The following PDLIM5 variants were observed in gnomAD, a reference collection of about 807,000 sequenced individuals.
The protein encoded by PDLIM5 is PDZ and LIM domain 5, also known as PDZ and LIM domain protein 5.
Under a neutral mutation model 64.2 loss-of-function variants are expected in PDLIM5, and 34 were observed. That is an observed-to-expected ratio of 0.53 (90% CI 0.40 to 0.71). The LOEUF (loss-of-function observed/expected upper bound fraction) is 0.71, where lower values mean the gene tolerates loss of function less well. Ranked by LOEUF, PDLIM5 falls within the 30% of genes least tolerant of loss-of-function variation. The probability of loss-of-function intolerance (pLI) is 0.00; values close to 1 mark genes in which losing one functional copy is unlikely to be tolerated. For missense variants in PDLIM5, 683 were observed against 733.6 expected, an observed-to-expected ratio of 0.93 and a Z score of 0.80; for synonymous variants, 253 against 269.1, an observed-to-expected ratio of 0.94 and a Z score of 0.59.
chr4:94,623,886 G>T (rs1739448992), intron 8 of PDLIM5, among the ~76,000 whole-genome samples: 1 of 152,188 alleles, frequency 6.6e-6, no homozygotes, highest in Non-Finnish European at 1.5e-5. Flanking sequence ...CACTCTTCTT[G>T]AAGCATTTAA....
intron 9 of PDLIM5, among the ~76,000 whole-genome samples, chr4:94,646,089 G>A (rs954772923): frequency 6.6e-6 from 1 of 152,120 alleles, no homozygotes; most frequent in African/African-American, 2.4e-5. Flanking sequence ...AGTATTTTGT[G>A]TGCCGCTGTC....
chr4:94,655,112 A>C (rs1742110820), intron 10 of PDLIM5, among the ~76,000 whole-genome samples: 1 of 152,212 alleles, frequency 6.6e-6, no homozygotes, highest in South Asian at 2.1e-4. Flanking sequence ...GAGGTTTATA[A>C]ATGATATATT....
At chr4:94,555,139 C>T (rs527281553) in intron 3 of PDLIM5, among the ~76,000 whole-genome samples, 8 of 152,168 alleles carry the variant, frequency 5.3e-5, no homozygotes, top group Non-Finnish European at 1.2e-4. Flanking sequence ...CTGCAACCTC[C>T]GCCTCCCGGG....
At chr4:94,569,379 G>T (rs1734613317) in intron 3 of PDLIM5, among the ~76,000 whole-genome samples, 1 of 152,040 alleles carries the variant, frequency 6.6e-6, no homozygotes, top group Non-Finnish European at 1.5e-5. Flanking sequence ...GAGTGCAGTG[G>T]CACAATCTCG....
chr4:94,607,070 C>T (rs2110364507), intron 7 of PDLIM5, among the ~76,000 whole-genome samples: 1 of 152,296 alleles, frequency 6.6e-6, no homozygotes, highest in East Asian at 1.9e-4. Flanking sequence ...AGTCTCTTAA[C>T]CTTTCTGCTC....
At chr4:94,534,875 C>G (rs1410135015) in intron 3 of PDLIM5, among the ~76,000 whole-genome samples, 1 of 152,174 alleles carries the variant, frequency 6.6e-6, no homozygotes, top group Admixed American at 6.6e-5. Flanking sequence ...TGACTTCCCT[C>G]TCTCTGTTTC....
chr4:94,523,522 TAAG>T (rs1367816658), intron 2 of PDLIM5, among the ~76,000 whole-genome samples, 199 bp from the exon 3 acceptor site: 3 of 152,018 alleles, frequency 2.0e-5, no homozygotes, highest in Non-Finnish European at 4.4e-5. Flanking sequence ...ATAGAGCAAA[TAAG>T]AATTTAAGAA....
rs67013211 is a variant in PDLIM5 at position 94,478,890 on chromosome 4, G to GTTTTTTTTT, written c.96+23525_96+23533dup. ...CCAAAAGAAGGTAGGTGTGCTTGGT[G>GTTTTTTTTT]TTTTTTTTTTTTTTTTTTTTTTTTT... On this transcript the variant is annotated intron_variant, in intron 2 of 12. Coordinates refer to ENST00000317968, the MANE Select transcript of PDLIM5 (RefSeq NM_006457.5). 2.2e-4 allele frequency among the ~76,000 whole-genome samples: 21 copies of GTTTTTTTTT among 94,082 alleles called. 3 individuals carry two copies. The highest frequency in any genetic ancestry group is 9.4e-4 in the African/African-American group (21 of 22,354). The allele number at this position is 94,082 out of a possible 152,430, so 61.7% of individuals were successfully genotyped here. A position where few individuals can be genotyped will look rare whatever the true frequency, so the allele number is the denominator to read the frequency against.
chr4:94,514,512 G>A (rs758775448), intron 2 of PDLIM5, among the ~76,000 whole-genome samples: 1 of 152,092 alleles, frequency 6.6e-6, no homozygotes, highest in African/African-American at 2.4e-5. Context: ...TTTTTCTGAT[G>A]TGTCTTTGTC....
At chr4:94,527,248 G>A (rs1484979665) in intron 3 of PDLIM5, among the ~76,000 whole-genome samples, 1 of 150,386 alleles carries the variant, frequency 6.6e-6, no homozygotes, top group African/African-American at 2.5e-5. Flanking sequence ...GTAGAGACAG[G>A]GTTTCACCAT....
chr4:94,470,403 C>T (rs190594206), intron 2 of PDLIM5, among the ~76,000 whole-genome samples: 1 of 152,200 alleles, frequency 6.6e-6, no homozygotes, highest in African/African-American at 2.4e-5. Flanking sequence ...ACAAATTATG[C>T]TGGTAACACA....
chr4:94,543,940 C>T (rs1330803168), intron 3 of PDLIM5, among the ~76,000 whole-genome samples: 1 of 151,844 alleles, frequency 6.6e-6, no homozygotes, highest in Non-Finnish European at 1.5e-5. Context: ...GGATATATAC[C>T]CAAGAGTGGG....
At position 94,667,643 on chromosome 4, in the gene PDLIM5, C is replaced by T. The variant is rs1310336762; in HGVS notation, c.*3576C>T. The T allele has an allele frequency of 1.3e-5, 2 of 151,954 alleles. No individual in the cohort carries two copies. The highest frequency in any genetic ancestry group is 6.6e-5 in the Admixed American group (1 of 15,254). The allele number at this position is 151,954 out of a possible 1,614,324, so 9.4% of individuals were successfully genotyped here. On this transcript the variant is annotated 3_prime_UTR_variant, in exon 13 of 13. Coordinates refer to ENST00000317968, the MANE Select transcript of PDLIM5 (RefSeq NM_006457.5). ...GGGCACCATAGGACAACTATAGTAC[C>T]GTGTTTATTTCCTATTAATTCAGGT... is the stretch of plus-strand genomic sequence containing the variant.
At chr4:94,607,222 A>G (rs894847547) in intron 7 of PDLIM5, among the ~76,000 whole-genome samples, 1 of 152,194 alleles carries the variant, frequency 6.6e-6, no homozygotes, top group East Asian at 1.9e-4. Flanking sequence ...CCATTTGAAA[A>G]TCAGTGTAAC....
chr4:94,615,069 C>T (rs1484349863), intron 7 of PDLIM5, among the ~76,000 whole-genome samples: 1 of 152,120 alleles, frequency 6.6e-6, no homozygotes, highest in East Asian at 1.9e-4. Context: ...GGGCACTGTG[C>T]TAAGTAATTT....
intron 2 of PDLIM5, among the ~76,000 whole-genome samples, chr4:94,469,379 C>T (rs774857431): frequency 6.6e-6 from 1 of 152,136 alleles, no homozygotes; most frequent in Non-Finnish European, 1.5e-5. Context: ...GAGGAGGCAG[C>T]ATTGACCTAA....
At chr4:94,488,190 T>C (rs140960998) in intron 2 of PDLIM5, among the ~76,000 whole-genome samples, 219 of 152,314 alleles carry the variant, frequency 1.4e-3, no homozygotes, top group African/African-American at 5.0e-3. Flanking sequence ...AACATTTAGA[T>C]TGATTTTACA....
chr4:94,512,251 C>T (rs1445677866), intron 2 of PDLIM5, among the ~76,000 whole-genome samples: 1 of 152,086 alleles, frequency 6.6e-6, no homozygotes, highest in African/African-American at 2.4e-5. Context: ...AATCTCCTGA[C>T]CTCATGATCC....
intron 2 of PDLIM5, among the ~76,000 whole-genome samples, chr4:94,471,473 A>G (rs1724865176): frequency 6.6e-6 from 1 of 151,936 alleles, no homozygotes; most frequent in Admixed American, 6.6e-5. Flanking sequence ...CAAAACTAAT[A>G]TATTAGTACT....
Sources: gnomAD v4.1 joint callset for allele counts (sites outside exome capture counted in the v4.1 genomes callset) on GRCh38, gnomAD v4.1.1 for gene constraint, MANE v1.5 for transcripts, NCBI Gene and HGNC (gene_info 2026-07-23, HGNC 2026-07-21) for gene names.